ANTXR1: variants seen among roughly 807,000 people sequenced by gnomAD.
ANTXR1 encodes the protein anthrax toxin receptor 1.
A neutral mutation model predicts 78.1 loss-of-function variants in ANTXR1; 19 were observed. The observed-to-expected ratio is 0.24, with a 90% CI of 0.17 to 0.36. The LOEUF is 0.36. Among genes scored for constraint, ANTXR1 ranks in the 10% least tolerant of loss-of-function variants. The pLI, the probability that ANTXR1 is intolerant of heterozygous loss-of-function variation, is 1.00. For missense variants in ANTXR1, 518 were observed against 718.6 expected (o/e 0.72, Z 3.19); for synonymous variants, 273 against 260.5 (o/e 1.05, Z -0.46).
chr2:69,148,031 C>T (rs182965541), intron 12 of ANTXR1, among the ~76,000 whole-genome samples: 9 of 152,338 alleles, frequency 5.9e-5, no homozygotes, highest in Non-Finnish European at 8.8e-5. Flanking sequence ...TGCAGCTGTC[C>T]TCCACCTGGG....
At chr2:69,102,787 C>T (rs979138782) in intron 9 of ANTXR1, 55 bp from the exon 10 acceptor site, 8 of 1,519,056 alleles carry the variant, frequency 5.3e-6, no homozygotes, top group African/African-American at 1.4e-5. Context: ...AGGGCAGATG[C>T]GAAGCTTAAG....
At chr2:69,170,089 C>T (rs941625415) in intron 13 of ANTXR1, among the ~76,000 whole-genome samples, 159 bp from the exon 14 acceptor site, 8 of 152,232 alleles carry the variant, frequency 5.3e-5, no homozygotes, top group Non-Finnish European at 1.2e-4. Flanking sequence ...CTACTCTGTC[C>T]AGCAAAGACA....
At chr2:69,158,197 A>G (rs1673578832) in intron 13 of ANTXR1, among the ~76,000 whole-genome samples, 1 of 152,254 alleles carries the variant, frequency 6.6e-6, no homozygotes, top group Non-Finnish European at 1.5e-5. Context: ...AAAGTTCATT[A>G]GCAGCCAAGT....
At chr2:69,055,109 T>C (rs914274821) in intron 3 of ANTXR1, among the ~76,000 whole-genome samples, 2 of 152,116 alleles carry the variant, frequency 1.3e-5, no homozygotes, top group African/African-American at 4.8e-5. Flanking sequence ...TTGTTACTAT[T>C]GTGGTTGTTG....
intron 17 of ANTXR1, among the ~76,000 whole-genome samples, chr2:69,214,772 C>T (rs1343218886): frequency 6.6e-6 from 1 of 152,234 alleles, no homozygotes; most frequent in Non-Finnish European, 1.5e-5. Flanking sequence ...TCTGTGGGCC[C>T]AGCCTGTGTT....
intron 6 of ANTXR1, among the ~76,000 whole-genome samples, chr2:69,074,364 C>A (rs530593422): frequency 1.3e-5 from 2 of 152,082 alleles, no homozygotes; most frequent in Non-Finnish European, 2.9e-5. Context: ...AGTAAAAACC[C>A]TAATAAGGAA....
At chr2:69,144,412 G>A (rs12466875) in intron 12 of ANTXR1, among the ~76,000 whole-genome samples, 21,533 of 152,202 alleles carry the variant, frequency 0.14, 1,647 homozygotes, top group African/African-American at 0.17. Flanking sequence ...TAGTGGAACA[G>A]AGCTGCCCCC....
intron 14 of ANTXR1, among the ~76,000 whole-genome samples, chr2:69,178,268 T>A (rs1432734056): frequency 1.3e-5 from 2 of 152,208 alleles, no homozygotes; most frequent in Non-Finnish European, 2.9e-5. Flanking sequence ...GTCTCCAGAA[T>A]GTGTAAACAG....
intron 3 of ANTXR1, among the ~76,000 whole-genome samples, chr2:69,067,445 CTTT>C (rs372043237): frequency 0.085 from 10,498 of 123,282 alleles, 443 homozygotes; most frequent in Middle Eastern, 0.18. Flanking sequence ...CCCAAGAAGC[CTTT>C]TTTTTTTTTT....
intron 7 of ANTXR1, among the ~76,000 whole-genome samples, chr2:69,076,076 G>C (rs1236635970): frequency 6.6e-6 from 1 of 152,178 alleles, no homozygotes; most frequent in Non-Finnish European, 1.5e-5. Context: ...CTCCTGATTA[G>C]CTTGGTATAC....
At chr2:69,220,438 G>A (rs754317926) in intron 17 of ANTXR1, among the ~76,000 whole-genome samples, 1 of 152,186 alleles carries the variant, frequency 6.6e-6, no homozygotes, top group Non-Finnish European at 1.5e-5. Flanking sequence ...ATGTCTAAAT[G>A]TAGGTAAATA....
intron 9 of ANTXR1, among the ~76,000 whole-genome samples, chr2:69,097,186 G>C (rs898728317): frequency 2.0e-5 from 3 of 152,190 alleles, no homozygotes; most frequent in African/African-American, 7.2e-5. Context: ...CACTCAGTTG[G>C]CCTCCAACTT....
intron 10 of ANTXR1, among the ~76,000 whole-genome samples, chr2:69,116,033 T>C (rs1322790964): frequency 1.3e-5 from 2 of 152,216 alleles, no homozygotes; most frequent in African/African-American, 4.8e-5. Flanking sequence ...ATCTTCTCAT[T>C]TCTCCTTGAC....
intron 13 of ANTXR1, among the ~76,000 whole-genome samples, chr2:69,163,242 T>TCTGCACTGAGAAGCC: frequency 6.6e-6 from 1 of 152,234 alleles, no homozygotes; most frequent in East Asian, 1.9e-4. Flanking sequence ...CTCAGCGTCT[T>TCTGCACTGAGAAGCC]GTTATTCCTT....
chr2:69,024,585 T>A (rs908092757), intron 1 of ANTXR1, among the ~76,000 whole-genome samples: 1 of 152,076 alleles, frequency 6.6e-6, no homozygotes, highest in Non-Finnish European at 1.5e-5. Context: ...GAAGGGGTGA[T>A]CATTCAGATG....
At chr2:69,072,920 C>A in intron 5 of ANTXR1, 102 bp from the exon 6 acceptor site, 1 of 1,153,748 alleles carries the variant, frequency 8.7e-7, no homozygotes, top group Non-Finnish European at 1.3e-6. Flanking sequence ...ACAATATTGA[C>A]TTTGGGTGGT....
chr2:69,174,712 A>T (rs1170814764), intron 14 of ANTXR1, among the ~76,000 whole-genome samples: 3 of 152,218 alleles, frequency 2.0e-5, no homozygotes, highest in Admixed American at 6.5e-5. Context: ...AAAGGCAGAG[A>T]TTCCTGGTGG....
At chr2:69,216,340 G>T (rs1327618732) in intron 17 of ANTXR1, among the ~76,000 whole-genome samples, 1 of 152,090 alleles carries the variant, frequency 6.6e-6, no homozygotes, top group Non-Finnish European at 1.5e-5. Flanking sequence ...GTTTTAGGTG[G>T]GTTCTAGATG....
chr2:69,022,194 G>A lies in ANTXR1; in HGVS notation c.152+8543G>A, dbSNP rs1276448179. Among the ~76,000 whole-genome samples, 3 of 152,230 alleles carry A rather than the reference G, an allele frequency of 2.0e-5. No individual in the cohort carries two copies. In the South Asian group the frequency reaches 6.2e-4, roughly 31 times the overall value. ...ACTGCAGCAGCAGAGCTCAGAGGAT[G>A]CCTGTACACTGCAGGGGCTGATTCT... On this transcript the variant is annotated intron_variant, in intron 1 of 17. Coordinates refer to ENST00000303714, the MANE Select transcript of ANTXR1 (RefSeq NM_032208.3).
Sources: gnomAD v4.1 joint callset for allele counts (sites outside exome capture counted in the v4.1 genomes callset) on GRCh38, gnomAD v4.1.1 for gene constraint, MANE v1.5 for transcripts, NCBI Gene and HGNC (gene_info 2026-07-23, HGNC 2026-07-21) for gene names.